DDB1: variants seen among roughly 807,000 people sequenced by gnomAD.
DDB1 encodes the protein damage specific DNA binding protein 1, also known as DNA damage-binding protein 1.
Under a neutral mutation model 133.1 loss-of-function variants are expected in DDB1, and 18 were observed. The ratio of observed to expected loss-of-function variants is 0.14; its 90% CI spans 0.09 to 0.20. The LOEUF (loss-of-function observed/expected upper bound fraction) is 0.20. Ranked by LOEUF, DDB1 falls within the 10% of genes least tolerant of loss-of-function variation. The probability of loss-of-function intolerance (pLI) is 1.00; values close to 1 mark genes in which losing one functional copy is unlikely to be tolerated. For missense variants in DDB1, 828 were observed against 1,459.2 expected (o/e 0.57, Z 7.05); for synonymous variants, 580 against 550.5 (o/e 1.05, Z -0.75).
At chr11:61,312,491 C>CCTCT (rs1327011375) in intron 16 of DDB1, among the ~76,000 whole-genome samples, 2 of 148,038 alleles carry the variant, frequency 1.4e-5, no homozygotes, top group Non-Finnish European at 3.0e-5. Flanking sequence ...TCTTTTCTTT[C>CCTCT]CTCTCTCTCT....
intron 8 of DDB1, 137 bp downstream of exon 8, chr11:61,322,874 A>C: frequency 1.3e-6 from 1 of 743,846 alleles, no homozygotes; most frequent in Non-Finnish European, 2.2e-6. Flanking sequence ...TAGGATGTTA[A>C]ATTAACCAAG....
rs770669728 is a variant in DDB1, at chr11:61,313,514, T to C, written c.2054A>G (p.Asp685Gly). 3.7e-6 allele frequency: 6 copies of C among 1,613,970 alleles called. No individual in the cohort carries two copies. The Admixed American group carries it at 5.0e-5, about 13-fold the overall frequency. The stretch of plus-strand genomic sequence containing the variant: ...AGAGACTCACCTGTCAGGATAGCCA[T>C]CTGAATTGAGGGGACACATGTAGTT... ...EVNYMCPLNS[D>G]GYPDSLALAN... is the part of the protein sequence containing the mutation. The change falls in exon 16 of 27, where the codon GAT (aspartate) becomes GGT (glycine). Residue 685 changes from aspartate to glycine, a missense_variant. Physicochemically the swap from Asp to Gly is moderately conservative, Grantham distance 94 (BLOSUM62 -1). This residue lies in a region of DDB1 where 396 missense variants were observed against 554.1 expected (regional missense o/e 0.71). Coordinates refer to ENST00000301764, the MANE Select transcript of DDB1 (RefSeq NM_001923.5).
At chr11:61,330,188 A>G in intron 2 of DDB1, 114 bp from the exon 3 acceptor site, 1 of 775,912 alleles carries the variant, frequency 1.3e-6, no homozygotes, top group Non-Finnish European at 2.1e-6. Context: ...CTCTCCCTAA[A>G]GAGAAAATAC....
At chr11:61,302,773 A>G (rs756540444) in intron 23 of DDB1, 22 bp from the exon 24 acceptor site, 13 of 1,613,678 alleles carry the variant, frequency 8.1e-6, no homozygotes, top group South Asian at 2.2e-5. Context: ...TAAGAAAGTC[A>G]CTTTCTGAAC....
At position 61,316,473 on chromosome 11, in the gene DDB1, G is replaced by A. The variant is rs1328999972; in HGVS notation, c.1301+19C>T. The A allele has an allele frequency of 6.2e-7, 1 of 1,614,040 alleles. No individual in the cohort carries two copies. Among genetic ancestry groups the A allele is most frequent in the East Asian group, 2.2e-5 (1 of 44,872 alleles). On this transcript the variant is annotated intron_variant, in intron 11 of 26. Coordinates refer to ENST00000301764, the MANE Select transcript of DDB1 (RefSeq NM_001923.5). ...ACCTTCTCACCAGCACCTACAGCTG[G>A]CACTAGACCCATCCTTACCTTGTCT...
chr11:61,303,380 T>C, intron 22 of DDB1: 1 of 479,944 alleles, frequency 2.1e-6, no homozygotes. Context: ...GAGTTTGAGT[T>C]GGGAGTCTCT....
intron 4 of DDB1, 116 bp downstream of exon 4, chr11:61,329,247 G>A (rs953113685): frequency 1.0e-6 from 1 of 959,314 alleles, no homozygotes; most frequent in Non-Finnish European, 1.7e-6. Context: ...AACATTTCAG[G>A]ACAAACACAT....
rs1856258029 is a variant in DDB1 at position 61,325,678 on chromosome 11, A to G, written c.695T>C (p.Ile232Thr). ...GTGATAGGTGATTGACTCCTGTCCAATGATGATGGCCCCCCCAAAGGGCTC... is the reference window on the plus strand; with the variant it reads ...GTGATAGGTGATTGACTCCTGTCCAGTGATGATGGCCCCCCCAAAGGGCTC... ...VPEPFGGAIIIGQESITYHNG... is the reference protein window; with the variant it reads ...VPEPFGGAIITGQESITYHNG... Residue 232 changes from isoleucine to threonine, a missense_variant, in exon 6 of 27, where the codon ATT becomes ACT. Ile to Thr is a moderately conservative substitution (Grantham distance 89). Around this residue, in one of 7 missense-constraint regions of DDB1, gnomAD observed 210 missense variants for 344.8 expected, o/e 0.61. Coordinates refer to ENST00000301764, the MANE Select transcript of DDB1 (RefSeq NM_001923.5). 1 of 1,613,430 alleles carries G rather than the reference A, an allele frequency of 6.2e-7. No homozygotes were observed. Among genetic ancestry groups the G allele is most frequent in the African/African-American group, 1.3e-5 (1 of 74,930 alleles).
At chr11:61,329,742 C>T (rs1856334433) in intron 3 of DDB1, among the ~76,000 whole-genome samples, 158 bp from the exon 4 acceptor site, 1 of 152,162 alleles carries the variant, frequency 6.6e-6, no homozygotes, top group Non-Finnish European at 1.5e-5. Context: ...CAGTGCATGC[C>T]TTTTTCATGA....
At chr11:61,331,104 G>C (rs1421733293) in intron 2 of DDB1, among the ~76,000 whole-genome samples, 2 of 152,160 alleles carry the variant, frequency 1.3e-5, no homozygotes, top group Non-Finnish European at 2.9e-5. Context: ...ATGAAGCCAG[G>C]ACTGCCCCAC....
Position 61,300,861 on chromosome 11 carries a change from C to G in DDB1, c.3287G>C (p.Ser1096Thr). 6.2e-7 allele frequency: 1 copy of G among 1,614,168 alleles called. No individual in the cohort carries two copies. Among genetic ancestry groups the G allele is most frequent in the Non-Finnish European group, 8.5e-7 (1 of 1,180,040 alleles). ...CTTGGGGCGGCTAATATCCAGGAAA[C>G]TCTCAATCAAGTCACCGTCGATGAA... Reference protein sequence around the residue: ...TGFIDGDLIESFLDISRPKMQ... With the variant: ...TGFIDGDLIETFLDISRPKMQ... The change falls in exon 26 of 27, where the codon AGT (serine) becomes ACT (threonine). Residue 1096 changes from serine (S) to threonine (T), a missense_variant. By Grantham distance (58) the Ser-to-Thr change is moderately conservative. This residue lies in a region of DDB1 where 116 missense variants were observed against 221.6 expected (regional missense o/e 0.52). Transcript: ENST00000301764.
In DDB1 at chr11:61,314,482, G is replaced by T; in HGVS notation, c.1415C>A (p.Thr472Asn). Residue 472 changes from threonine to asparagine, a missense_variant, in exon 13 of 27, where the codon ACT becomes AAT. Thr to Asn is a moderately conservative substitution (Grantham distance 65). Coordinates refer to ENST00000301764, the MANE Select transcript of DDB1 (RefSeq NM_001923.5). ...NVAHQQLIQI[T>N]SASVRLVSQE... is the part of the protein sequence containing the mutation. ...AGAGACCAACCTCACCGATGCTGAA[G>T]TGATCTAGATAAACAGCAGATGAAC... The T allele has an allele frequency of 6.2e-7, 1 of 1,611,082 alleles. No homozygotes were observed. The highest frequency in any genetic ancestry group is 8.5e-7 in the Non-Finnish European group (1 of 1,178,814).
chr11:61,323,691 G>A (rs895803292), intron 7 of DDB1: 3 of 360,174 alleles, frequency 8.3e-6, no homozygotes, highest in Middle Eastern at 8.8e-4. Context: ...TGGGATCACA[G>A]GTGTGAGCCA....
At chr11:61,316,957 A>ATATATATG (rs1856087903) in intron 10 of DDB1, among the ~76,000 whole-genome samples, 4 of 19,590 alleles carry the variant, frequency 2.0e-4, no homozygotes, top group Non-Finnish European at 5.6e-4. Flanking sequence ...ATATATATAT[A>ATATATATG]TATATATATA....
At chr11:61,308,784 GGGGGT>G in intron 21 of DDB1, among the ~76,000 whole-genome samples, 194 bp downstream of exon 21, 1 of 152,240 alleles carries the variant, frequency 6.6e-6, no homozygotes, top group Middle Eastern at 3.4e-3. Flanking sequence ...TGAAACACAT[GGGGGT>G]TCACGTAACC....
intron 12 of DDB1, chr11:61,315,949 A>T (rs1856057979): frequency 5.2e-6 from 1 of 192,520 alleles, no homozygotes; most frequent in Non-Finnish European, 1.1e-5. Flanking sequence ...AGTTTAACAA[A>T]GGGAAAAAAT....
Position 61,300,890 on chromosome 11 carries a change from T to A in DDB1, c.3258A>T (p.Thr1086=). ...CAATCAAGTCACCGTCGATGAAACCTGTGGCTGGTTCTGTCTTCCGCTCGG... is the reference window on the plus strand; with the variant it reads ...CAATCAAGTCACCGTCGATGAAACCAGTGGCTGGTTCTGTCTTCCGCTCGG... The part of the protein sequence containing the change: ...FHTERKTEPA[T]GFIDGDLIES... Residue 1086 remains threonine (T), a synonymous_variant, in exon 26 of 27, where the codon ACA becomes ACT. Transcript: ENST00000301764. The A allele has an allele frequency of 6.2e-7, 1 of 1,614,192 alleles. No individual in the cohort carries two copies. Among genetic ancestry groups the A allele is most frequent in the Non-Finnish European group, 8.5e-7 (1 of 1,180,040 alleles).
intron 10 of DDB1, among the ~76,000 whole-genome samples, chr11:61,316,942 G>GATAT (rs1856081507): frequency 5.2e-4 from 14 of 27,066 alleles, no homozygotes; most frequent in Non-Finnish European, 7.3e-4. Context: ...AAAAAAAAAG[G>GATAT]ATAGATATAT....
Position 61,329,978 on chromosome 11 carries a change from G to A in DDB1, c.307C>T (p.Arg103Ter), listed in dbSNP as rs1466531442. 1 of 1,613,202 alleles carries A rather than the reference G, an allele frequency of 6.2e-7. No individual in the cohort carries two copies. Among genetic ancestry groups the A allele is most frequent in the Admixed American group, 1.7e-5 (1 of 59,998 alleles). Residue 103 changes from arginine to a stop codon, truncating the protein, a stop_gained, in exon 3 of 27, where the codon CGA becomes TGA. Transcript: ENST00000301764. LOFTEE classifies it high-confidence loss of function. The stretch of plus-strand genomic sequence containing the variant: ...CTCACCTGGACATTGCCATGGGCTC[G>A]CGTAATGATGTCAATGCTCTCGCCA... ...QSGESIDIIT[R>*]AHGNVQDRIG...
Sources: gnomAD v4.1 joint callset for allele counts (sites outside exome capture counted in the v4.1 genomes callset) on GRCh38, gnomAD v4.1.1 for gene constraint, gnomAD v4.1.1 regional missense constraint, MANE v1.5 for transcripts, NCBI Gene and HGNC (gene_info 2026-07-23, HGNC 2026-07-21) for gene names.